EPCIP: variants seen among roughly 807,000 people sequenced by gnomAD.
The protein encoded by EPCIP is exosomal polycystin-1-interacting protein.
chr21:32,806,880 G>A, the EPCIP span, among the ~76,000 whole-genome samples: 1 of 152,166 alleles, frequency 6.6e-6, no homozygotes, highest in African/African-American at 2.4e-5. Context: ...AAAAGAAAGA[G>A]GTTTAATGAA....
chr21:32,796,118 G>GGTAC, the EPCIP span, among the ~76,000 whole-genome samples: 1 of 151,968 alleles, frequency 6.6e-6, no homozygotes, highest in Non-Finnish European at 1.5e-5. Flanking sequence ...TAGCCATGGG[G>GGTAC]GTACAACTCA....
chr21:32,805,265 A>G, the EPCIP span, among the ~76,000 whole-genome samples: 1 of 152,192 alleles, frequency 6.6e-6, no homozygotes. Flanking sequence ...TGACACCCTC[A>G]CAGTAGCCTG....
At chr21:32,806,486 G>A in the EPCIP span, among the ~76,000 whole-genome samples, 109,365 of 152,086 alleles carry the variant, frequency 0.72, 40,115 homozygotes, top group East Asian at 0.91. Context: ...TTTTGTAGAC[G>A]TAGTGGTGGG....
At chr21:32,810,565 T>G in the EPCIP span, 12 of 470,192 alleles carry the variant, frequency 2.6e-5, no homozygotes, top group South Asian at 1.9e-4. Context: ...CCGGCCCTGA[T>G]CTTCTTACCT....
At chr21:32,800,451 G>A in the EPCIP span, among the ~76,000 whole-genome samples, 23 of 152,182 alleles carry the variant, frequency 1.5e-4, no homozygotes, top group African/African-American at 5.1e-4. Context: ...AGTAGCTCTG[G>A]TTTTTAAACA....
the EPCIP span, among the ~76,000 whole-genome samples, chr21:32,809,694 C>G: frequency 5.3e-5 from 8 of 152,112 alleles, no homozygotes; most frequent in East Asian, 1.4e-3. Context: ...CAATCTGGAC[C>G]CCATTCGCCT....
chr21:32,807,324 C>T, the EPCIP span, among the ~76,000 whole-genome samples: 1 of 132,046 alleles, frequency 7.6e-6, no homozygotes, highest in African/African-American at 2.7e-5. Context: ...TCCTTGATTC[C>T]CTCTTATGCC....
the EPCIP span, chr21:32,813,555 A>G: frequency 8.5e-6 from 4 of 470,274 alleles, no homozygotes; most frequent in Non-Finnish European, 1.8e-5. Context: ...CAGACTAGAC[A>G]TGCTTTTTAA....
the EPCIP span, among the ~76,000 whole-genome samples, chr21:32,808,475 T>G: frequency 6.6e-6 from 1 of 152,374 alleles, no homozygotes; most frequent in African/African-American, 2.4e-5. Flanking sequence ...GTGTTCAAGC[T>G]ATAGTTCCGA....
the EPCIP span, among the ~76,000 whole-genome samples, chr21:32,805,374 A>G: frequency 7.4e-6 from 1 of 134,842 alleles, no homozygotes; most frequent in Non-Finnish European, 1.6e-5. Flanking sequence ...TTTTTTTTTG[A>G]GATGGAGTCT....
the EPCIP span, chr21:32,794,279 T>C: frequency 6.2e-7 from 1 of 1,614,266 alleles, no homozygotes; most frequent in South Asian, 1.1e-5. Context: ...ATCCCGGATG[T>C]CCGCAGAACA....
chr21:32,793,786 G>T, the EPCIP span: 12 of 1,614,010 alleles, frequency 7.4e-6, no homozygotes, highest in African/African-American at 1.6e-4. Context: ...TGACAACATA[G>T]CTTTTGTTGC....
chr21:32,800,819 A>G, the EPCIP span, among the ~76,000 whole-genome samples: 2 of 68,652 alleles, frequency 2.9e-5, no homozygotes, highest in African/African-American at 7.4e-5. Context: ...AACAAAAAAA[A>G]AACCAAAAAA....
At chr21:32,794,173 C>T in the EPCIP span, 14 of 1,614,130 alleles carry the variant, frequency 8.7e-6, no homozygotes. Flanking sequence ...TGTCCGTGAA[C>T]CAGATGGTCA....
At chr21:32,799,850 G>T in the EPCIP span, among the ~76,000 whole-genome samples, 1 of 152,168 alleles carries the variant, frequency 6.6e-6, no homozygotes, top group South Asian at 2.1e-4. Context: ...GCTGAGGCAC[G>T]AGAATTCCTT....
the EPCIP span, chr21:32,793,971 T>C: frequency 6.2e-7 from 1 of 1,614,214 alleles, no homozygotes; most frequent in African/African-American, 1.3e-5. Flanking sequence ...GGCTTCTCTC[T>C]GGAGTCACTG....
the EPCIP span, among the ~76,000 whole-genome samples, chr21:32,803,117 G>A: frequency 2.0e-5 from 3 of 152,124 alleles, no homozygotes; most frequent in Non-Finnish European, 1.5e-5. Flanking sequence ...GTAGCTCTCC[G>A]ATCCCCAGTT....
At chr21:32,806,098 G>A in the EPCIP span, among the ~76,000 whole-genome samples, 5 of 152,234 alleles carry the variant, frequency 3.3e-5, no homozygotes, top group South Asian at 8.3e-4. Context: ...GCTGAGTCCG[G>A]TCAGGTAGCA....
chr21:32,805,371 T>TC, the EPCIP span, among the ~76,000 whole-genome samples: 1 of 151,556 alleles, frequency 6.6e-6, no homozygotes, highest in Non-Finnish European at 1.5e-5. Context: ...TTTTTTTTTT[T>TC]TGAGATGGAG....
Sources: allele counts gnomAD v4.1 joint callset (sites outside exome capture counted in the v4.1 genomes callset), GRCh38; gene constraint gnomAD v4.1.1; transcripts MANE v1.5; gene names NCBI Gene and HGNC (gene_info 2026-07-23, HGNC 2026-07-21).